ZMYM1: variants seen among roughly 807,000 people sequenced by gnomAD.
ZMYM1 encodes zinc finger MYM-type containing 1.
A neutral mutation model predicts 60.0 loss-of-function variants in ZMYM1; 39 were observed. The ratio of observed to expected loss-of-function variants is 0.65; its 90% CI spans 0.50 to 0.85. The LOEUF is 0.85. Ranked by LOEUF, ZMYM1 falls within the 40% of genes least tolerant of loss-of-function variation. The pLI is 0.00. For synonymous variants in ZMYM1, 413 were observed against 454.0 expected (o/e 0.91, Z 1.15); for missense variants, 1,171 against 1,309.5 (o/e 0.89, Z 1.63).
upstream of ZMYM1, among the ~76,000 whole-genome samples, chr1:35,077,062 A>G (rs568922862): frequency 2.0e-5 from 3 of 152,338 alleles, no homozygotes; most frequent in Non-Finnish European, 2.9e-5. Context: ...CAGGGCAAGA[A>G]AGACGCATGA....
chr1:35,101,671 G>A (rs1019320969), intron 4 of ZMYM1, among the ~76,000 whole-genome samples: 2 of 151,434 alleles, frequency 1.3e-5, no homozygotes, highest in Non-Finnish European at 2.9e-5. Context: ...TGTGGTCTGT[G>A]ATTTTACAGT....
rs902085721 is a variant in ZMYM1 at position 35,113,643 on chromosome 1, A to T, written c.1813A>T (p.Met605Leu). Residue 605 changes from methionine (M) to leucine (L), a missense_variant, in exon 10 of 10, where the codon ATG becomes TTG. By Grantham distance (15) the Met-to-Leu change is conservative. Transcript: ENST00000359858. ...TAAAGGAGAAGAAACATTTCGACTT[A>T]TGAATTCACAAGTTGACTTCTATAA... ...KDKGEETFRL[M>L]NSQVDFYNST... 2 of 1,612,404 alleles carry T rather than the reference A, an allele frequency of 1.2e-6. No individual in the cohort carries two copies. The highest frequency in any genetic ancestry group is 2.7e-5 in the African/African-American group (2 of 74,854).
rs1643382089 is a variant in ZMYM1, at chr1:35,097,222, C to G, written c.170-95C>G. 5 of 1,398,182 alleles carry G rather than the reference C, an allele frequency of 3.6e-6. No individual in the cohort carries two copies. The East Asian group carries it at 1.1e-4, about 32-fold the overall frequency. 86.6% of individuals were successfully genotyped at this position (1,398,182 alleles called of 1,614,324 possible). A position where few individuals can be genotyped will look rare whatever the true frequency, so the allele number is the denominator to read the frequency against. On this transcript the variant is annotated intron_variant, in intron 3 of 9. Coordinates refer to ENST00000359858, the MANE Select transcript of ZMYM1 (RefSeq NM_024772.5). ...GCAAAAGAGGGCAACAGAACAAGAC[C>G]CTGTCTCTAAAAAAAGAAAGAAAGA...
At chr1:35,107,838 G>A (rs935128791) in intron 6 of ZMYM1, among the ~76,000 whole-genome samples, 13 of 152,084 alleles carry the variant, frequency 8.5e-5, no homozygotes, top group African/African-American at 2.9e-4. Flanking sequence ...GGCCAGGTGC[G>A]GTGGCTCACG....
intron 4 of ZMYM1, among the ~76,000 whole-genome samples, chr1:35,100,451 G>A (rs1643582445): frequency 6.6e-6 from 1 of 151,744 alleles, no homozygotes; most frequent in Non-Finnish European, 1.5e-5. Flanking sequence ...ACAAATCCCT[G>A]TCTCTACTAA....
intron 1 of ZMYM1, among the ~76,000 whole-genome samples, chr1:35,091,580 C>T (rs1270232945): frequency 6.6e-6 from 1 of 151,914 alleles, no homozygotes; most frequent in Admixed American, 6.6e-5. Flanking sequence ...AAAAACAGCC[C>T]ATAGGTGATA....
intron 1 of ZMYM1, among the ~76,000 whole-genome samples, chr1:35,087,272 G>A (rs1002363458): frequency 1.3e-5 from 2 of 151,848 alleles, no homozygotes; most frequent in Non-Finnish European, 2.9e-5. Context: ...GATTACAGAG[G>A]TGAGCCACTG....
upstream of ZMYM1, among the ~76,000 whole-genome samples, chr1:35,075,784 G>A (rs1490813553): frequency 6.6e-6 from 1 of 152,164 alleles, no homozygotes; most frequent in Non-Finnish European, 1.5e-5. Context: ...TATCATTAAT[G>A]GAAAACCAAT....
upstream of ZMYM1, among the ~76,000 whole-genome samples, chr1:35,076,577 C>G (rs183043587): frequency 1.3e-5 from 2 of 151,880 alleles, no homozygotes; most frequent in South Asian, 4.2e-4. Context: ...GCCAAGATTG[C>G]GCCATTGCAC....
At chr1:35,092,529 C>T (rs2148511852) in intron 1 of ZMYM1, among the ~76,000 whole-genome samples, 1 of 152,310 alleles carries the variant, frequency 6.6e-6, no homozygotes, top group East Asian at 1.9e-4. Flanking sequence ...GCATGAACCA[C>T]TGTGCCCGGC....
intron 1 of ZMYM1, among the ~76,000 whole-genome samples, chr1:35,064,995 C>T (rs1192681861): frequency 2.0e-5 from 3 of 152,124 alleles, no homozygotes; most frequent in African/African-American, 4.8e-5. Context: ...ATTTCTAAAA[C>T]TTCTAAACAC....
intron 4 of ZMYM1, among the ~76,000 whole-genome samples, chr1:35,097,912 G>A (rs1024275246): frequency 5.9e-5 from 9 of 152,194 alleles, no homozygotes; most frequent in Non-Finnish European, 1.2e-4. Flanking sequence ...GCCTCCCAAA[G>A]TGCTGGGATT....
chr1:35,085,375 T>G (rs1276538569), intron 1 of ZMYM1, among the ~76,000 whole-genome samples: 4 of 152,204 alleles, frequency 2.6e-5, no homozygotes, highest in Non-Finnish European at 5.9e-5. Context: ...CATGCTAGTC[T>G]GTTAAAATCT....
At position 35,114,605 on chromosome 1, in the gene ZMYM1, T is replaced by C; in HGVS notation, c.2775T>C (p.Cys925=). Residue 925 remains cysteine, a synonymous_variant, in exon 10 of 10, where the codon TGT becomes TGC. Transcript: ENST00000359858. ...AGGAAATATGTCAAAAAATAACCTGTAAAGGTTTTAAAGTTGAAAAACCTT... is the reference window on the plus strand; with the variant it reads ...AGGAAATATGTCAAAAAATAACCTGCAAAGGTTTTAAAGTTGAAAAACCTT... The part of the protein sequence containing the change: ...GTEEICQKIT[C]KGFKVEKPSL... 6.2e-7 allele frequency: 1 copy of C among 1,609,134 alleles called. No individual in the cohort carries two copies. Among genetic ancestry groups the C allele is most frequent in the East Asian group, 2.2e-5 (1 of 44,768 alleles).
intron 1 of ZMYM1, among the ~76,000 whole-genome samples, chr1:35,063,494 G>A (rs1373218927): frequency 6.6e-6 from 1 of 151,972 alleles, no homozygotes; most frequent in Admixed American, 6.6e-5. Flanking sequence ...TAGAGATGGG[G>A]TCTCACCATG....
intron 1 of ZMYM1, among the ~76,000 whole-genome samples, chr1:35,062,572 A>G (rs906212067): frequency 3.3e-5 from 5 of 152,260 alleles, no homozygotes; most frequent in Admixed American, 6.5e-5. Context: ...TACCAGGCAC[A>G]GGTTTGTAAT....
chr1:35,105,565 C>G (rs1643870329), intron 6 of ZMYM1, among the ~76,000 whole-genome samples: 1 of 152,264 alleles, frequency 6.6e-6, no homozygotes, highest in Non-Finnish European at 1.5e-5. Flanking sequence ...TCCCAAGGAA[C>G]TGGGATTACA....
chr1:35,097,024 C>G (rs1267145975), intron 3 of ZMYM1, among the ~76,000 whole-genome samples: 2 of 152,084 alleles, frequency 1.3e-5, no homozygotes, highest in Admixed American at 6.6e-5. Flanking sequence ...GGGGTTTCAC[C>G]ATGTTGGCCA....
chr1:35,100,867 A>G (rs949374327), intron 4 of ZMYM1, among the ~76,000 whole-genome samples: 7 of 151,424 alleles, frequency 4.6e-5, no homozygotes, highest in Non-Finnish European at 1.0e-4. Flanking sequence ...CAGTGGCACC[A>G]TCTTGGCTCA....
Sources: gnomAD v4.1 joint callset for allele counts (sites outside exome capture counted in the v4.1 genomes callset) on GRCh38, gnomAD v4.1.1 for gene constraint, MANE v1.5 for transcripts, NCBI Gene and HGNC (gene_info 2026-07-23, HGNC 2026-07-21) for gene names.